The following PNPT1 variants were observed in gnomAD, a reference collection of about 807,000 sequenced individuals.
PNPT1 encodes polyribonucleotide nucleotidyltransferase 1, mitochondrial.
Under a neutral mutation model 119.5 loss-of-function variants are expected in PNPT1, and 53 were observed. The ratio of observed to expected loss-of-function variants is 0.44; its 90% CI spans 0.36 to 0.56. PNPT1 has a LOEUF of 0.56. Among genes scored for constraint, PNPT1 ranks in the 20% least tolerant of loss-of-function variants. The probability of loss-of-function intolerance (pLI) is 0.00; values close to 1 mark genes in which losing one functional copy is unlikely to be tolerated. For missense variants in PNPT1, 948 were observed against 938.5 expected, an observed-to-expected ratio of 1.01 and a Z score of -0.13; for synonymous variants, 357 against 322.1, an observed-to-expected ratio of 1.11 and a Z score of -1.16.
chr2:55,651,261 C>A (rs1397348196), intron 18 of PNPT1, among the ~76,000 whole-genome samples: 1 of 151,906 alleles, frequency 6.6e-6, no homozygotes. Flanking sequence ...GCCACCACCC[C>A]GTCTGGGAGG....
chr2:55,690,762 G>A (rs1382653933), intron 1 of PNPT1, among the ~76,000 whole-genome samples: 5 of 152,134 alleles, frequency 3.3e-5, no homozygotes, highest in African/African-American at 1.2e-4. Flanking sequence ...CAACACAGAT[G>A]TTATAATGAT....
rs782630 is a variant in PNPT1 at position 55,672,290 on chromosome 2, T to C, written c.867-244A>G. Among the ~76,000 whole-genome samples the C allele has an allele frequency of 0.44, 67,591 of 152,012 alleles. 15,915 individuals are homozygous for C. The highest frequency in any genetic ancestry group is 0.52 in the Non-Finnish European group (35,381 of 67,944). On this transcript the variant is annotated intron_variant, in intron 9 of 27. Coordinates refer to ENST00000447944, the MANE Select transcript of PNPT1 (RefSeq NM_033109.5). ...CACATGTAGTATCCTGTTCTTTTCT[T>C]CTTAATTGTTCAATTAATTTCACCT...
chr2:55,644,797 AT>A (rs71393504), intron 22 of PNPT1, 77 bp from the exon 23 acceptor site: 134,331 of 739,850 alleles, frequency 0.18, 18 homozygotes, highest in East Asian at 0.26. Flanking sequence ...GTCACTTGAG[AT>A]TTTTTTTTTT....
intron 15 of PNPT1, among the ~76,000 whole-genome samples, chr2:55,658,740 C>A (rs986737488): frequency 6.6e-6 from 1 of 152,052 alleles, no homozygotes; most frequent in Non-Finnish European, 1.5e-5. Flanking sequence ...TAGCACCAGG[C>A]TATATCCAGA....
At chr2:55,677,778 T>C (rs910614409) in intron 8 of PNPT1, among the ~76,000 whole-genome samples, 1 of 151,786 alleles carries the variant, frequency 6.6e-6, no homozygotes, top group Non-Finnish European at 1.5e-5. Context: ...CTCGCTCTGT[T>C]GCCCAGGCTG....
At chr2:55,685,157 G>A in intron 3 of PNPT1, 109 bp from the exon 4 acceptor site, 1 of 669,884 alleles carries the variant, frequency 1.5e-6, no homozygotes, top group African/African-American at 1.8e-5. Flanking sequence ...TAGACTCAGA[G>A]TAGAAAATGT....
chr2:55,650,156 C>CTCTACT (rs1696126805), intron 18 of PNPT1, among the ~76,000 whole-genome samples: 1 of 152,078 alleles, frequency 6.6e-6, no homozygotes, highest in Admixed American at 6.6e-5. Flanking sequence ...CTACCTCTAC[C>CTCTACT]TCTACCTCTA....
chr2:55,654,345 G>A lies in PNPT1; in HGVS notation c.1495+555C>T, dbSNP rs113592712. 1.8e-3 allele frequency among the ~76,000 whole-genome samples: 267 copies of A among 152,062 alleles called. 4 individuals are homozygous for A. Among genetic ancestry groups the A allele is most frequent in the African/African-American group, 5.8e-3 (239 of 41,488 alleles). On this transcript the variant is annotated intron_variant, in intron 18 of 27. Transcript: ENST00000447944. ...GATTATAATGAAACATTTGTAGTCC[G>A]CCTTCCTAAAATTGTGTGTACACGC...
intron 8 of PNPT1, among the ~76,000 whole-genome samples, chr2:55,678,568 T>C (rs1225896166): frequency 2.6e-5 from 4 of 152,206 alleles, no homozygotes; most frequent in African/African-American, 9.6e-5. Context: ...GTCAGATAAG[T>C]TGGCCAGAGC....
intron 18 of PNPT1, among the ~76,000 whole-genome samples, chr2:55,650,665 A>C (rs1201719934): frequency 7.1e-6 from 1 of 141,372 alleles, no homozygotes; most frequent in Non-Finnish European, 1.5e-5. Context: ...TGTGGGGAGC[A>C]CCTCTGCCCT....
At chr2:55,689,557 C>T (rs1416634902) in intron 1 of PNPT1, among the ~76,000 whole-genome samples, 7 of 152,208 alleles carry the variant, frequency 4.6e-5, no homozygotes, top group Non-Finnish European at 7.3e-5. Flanking sequence ...ATACATGTCA[C>T]AACATGGATA....
In PNPT1 at chr2:55,636,298, T is replaced by C; in HGVS notation, c.2291A>G (p.Asn764Ser). The stretch of plus-strand genomic sequence containing the variant: ...TCCCATTACAATACTACTTCTGTCA[T>C]TCAAAGTTCTGACCACGGTTGTAGC... ...SPATTVVRTL[N>S]DRSSIVMGEP... The change falls in exon 28 of 28, where the codon AAT becomes AGT. Residue 764 changes from asparagine to serine, a missense_variant. Coordinates refer to ENST00000447944, the MANE Select transcript of PNPT1 (RefSeq NM_033109.5). 1 of 1,613,970 alleles carries C rather than the reference T, an allele frequency of 6.2e-7. No homozygotes were observed.
intron 18 of PNPT1, among the ~76,000 whole-genome samples, chr2:55,651,885 CAA>C: frequency 2.4e-3 from 285 of 119,748 alleles, no homozygotes; most frequent in Middle Eastern, 5.2e-3. Context: ...AAAGGAAAGT[CAA>C]AAAAAAAAAA....
intron 8 of PNPT1, among the ~76,000 whole-genome samples, chr2:55,676,414 G>A (rs1005837524): frequency 4.6e-5 from 7 of 152,020 alleles, no homozygotes; most frequent in East Asian, 1.9e-4. Flanking sequence ...TTTCCTGACC[G>A]ATATCTTCTC....
chr2:55,675,558 T>G (rs1394475337), intron 8 of PNPT1, among the ~76,000 whole-genome samples: 2 of 152,200 alleles, frequency 1.3e-5, no homozygotes, highest in African/African-American at 2.4e-5. Flanking sequence ...TTTAGCCAGG[T>G]GTGGTGACAT....
intron 27 of PNPT1, 21 bp downstream of exon 27, chr2:55,637,531 T>C: frequency 6.3e-7 from 1 of 1,581,016 alleles, no homozygotes; most frequent in Non-Finnish European, 8.7e-7. Flanking sequence ...ACTTCAAGGC[T>C]AAAAGGTGGA....
chr2:55,671,902 A>C, intron 10 of PNPT1, 93 bp downstream of exon 10: 1 of 849,570 alleles, frequency 1.2e-6, no homozygotes, highest in Non-Finnish European at 1.9e-6. Context: ...TTTTAATAAA[A>C]ATAGGACTAG....
chr2:55,644,796 GA>G (rs1347162884), intron 22 of PNPT1, 76 bp from the exon 23 acceptor site: 4 of 993,100 alleles, frequency 4.0e-6, no homozygotes, highest in East Asian at 2.8e-5. Context: ...GGTCACTTGA[GA>G]TTTTTTTTTT....
chr2:55,692,386 G>T (rs943596560), intron 1 of PNPT1, among the ~76,000 whole-genome samples: 6 of 152,070 alleles, frequency 3.9e-5, no homozygotes, highest in African/African-American at 9.7e-5. Context: ...GCGAGACCTG[G>T]ATTCAAAATG....
Sources: gnomAD v4.1 joint callset for allele counts (sites outside exome capture counted in the v4.1 genomes callset) on GRCh38, gnomAD v4.1.1 for gene constraint, MANE v1.5 for transcripts, NCBI Gene and HGNC (gene_info 2026-07-23, HGNC 2026-07-21) for gene names.